Variants in STK10 observed in about 807,000 individuals in gnomAD.
The protein encoded by STK10 is serine/threonine kinase 10.
In STK10, 78 loss-of-function variants were observed where a neutral mutation model predicts 113.8. That is an observed-to-expected ratio of 0.69 (90% CI 0.57 to 0.83). STK10 has a LOEUF of 0.83. Among genes scored for constraint, STK10 ranks in the 40% least tolerant of loss-of-function variants. The probability of loss-of-function intolerance (pLI) is 0.00; values close to 1 mark genes in which losing one functional copy is unlikely to be tolerated. For synonymous variants in STK10, 465 were observed against 494.7 expected (o/e 0.94, Z 0.80); for missense variants, 1,109 against 1,280.1 (o/e 0.87, Z 2.04).
At chr5:172,134,687 T>C (rs1226635003) in intron 2 of STK10, among the ~76,000 whole-genome samples, 1 of 146,364 alleles carries the variant, frequency 6.8e-6, no homozygotes, top group Non-Finnish European at 1.5e-5. Context: ...GATGGGAGGA[T>C]CACTTGAGCC....
intron 1 of STK10, among the ~76,000 whole-genome samples, chr5:172,182,042 C>T (rs1327615033): frequency 6.6e-6 from 1 of 152,030 alleles, no homozygotes; most frequent in Non-Finnish European, 1.5e-5. Context: ...CGGTGGCTCA[C>T]GCCTGTAATC....
chr5:172,149,522 C>G lies in STK10; in HGVS notation c.321+7102G>C, dbSNP rs373536278. On this transcript the variant is annotated intron_variant, in intron 2 of 18. Transcript: ENST00000176763. ...TGTGTGTGTGTGTGTGTGTGTGTGT[C>G]TGTGTGTGTGTGTGTGTGTGTCCCA... Among the ~76,000 whole-genome samples, 1,115 of 136,484 alleles carry G rather than the reference C, an allele frequency of 8.2e-3. 8 individuals carry two copies. Among genetic ancestry groups the G allele is most frequent in the East Asian group, 0.021 (98 of 4,646 alleles). 89.5% of individuals were successfully genotyped at this position (136,484 alleles called of 152,430 possible).
chr5:172,052,873 T>C (rs1767658202), intron 18 of STK10, 56 bp downstream of exon 18: 7 of 1,560,814 alleles, frequency 4.5e-6, no homozygotes, highest in Non-Finnish European at 6.2e-6. Context: ...GCCAGAGGCC[T>C]GTGCATGGCA....
chr5:172,170,248 A>T (rs966653602), intron 1 of STK10, among the ~76,000 whole-genome samples: 4 of 151,986 alleles, frequency 2.6e-5, no homozygotes, highest in African/African-American at 9.7e-5. Context: ...AAGGAAAGTG[A>T]TAAGAAGTCG....
chr5:172,064,586 G>C, intron 13 of STK10, 134 bp downstream of exon 13: 3 of 861,038 alleles, frequency 3.5e-6, no homozygotes, highest in Non-Finnish European at 3.7e-6. Context: ...GGCCATGAAG[G>C]ATGAGGCCAG....
At chr5:172,180,294 T>C (rs1422788712) in intron 1 of STK10, among the ~76,000 whole-genome samples, 1 of 150,382 alleles carries the variant, frequency 6.6e-6, no homozygotes. Context: ...CAAAATCTCG[T>C]CTCTACTAAA....
At chr5:172,087,895 T>C (rs1394820130) in intron 10 of STK10, among the ~76,000 whole-genome samples, 2 of 147,660 alleles carry the variant, frequency 1.4e-5, no homozygotes, top group Admixed American at 1.3e-4. Context: ...CCCAAAGTGC[T>C]GGGATTACAG....
intron 5 of STK10, 69 bp from the exon 6 acceptor site, chr5:172,106,883 G>C: frequency 6.8e-7 from 1 of 1,474,440 alleles, no homozygotes; most frequent in Non-Finnish European, 9.1e-7. Flanking sequence ...GACATTCAGG[G>C]TCAAGGGCCA....
chr5:172,128,134 A>G (rs1769665332), intron 2 of STK10, among the ~76,000 whole-genome samples: 1 of 149,020 alleles, frequency 6.7e-6, no homozygotes, highest in Non-Finnish European at 1.5e-5. Context: ...AGAAAGGACG[A>G]TTACAGTAGA....
At chr5:172,180,375 G>A (rs1770828791) in intron 1 of STK10, among the ~76,000 whole-genome samples, 1 of 152,202 alleles carries the variant, frequency 6.6e-6, no homozygotes, top group Non-Finnish European at 1.5e-5. Context: ...CAAGGCAGGA[G>A]AATCACTTGA....
intron 2 of STK10, among the ~76,000 whole-genome samples, chr5:172,144,628 G>A (rs538639512): frequency 3.9e-5 from 6 of 152,242 alleles, no homozygotes; most frequent in Non-Finnish European, 1.5e-5. Flanking sequence ...TGGGCCAGGC[G>A]TGTTCCTCCA....
chr5:172,188,099 C>T lies in STK10; in HGVS notation c.-57G>A, dbSNP rs1770994411. On this transcript the variant is annotated 5_prime_UTR_variant, in exon 1 of 19. Coordinates refer to ENST00000176763, the MANE Select transcript of STK10 (RefSeq NM_005990.4). The surrounding 1 kb of genome is among the most constrained non-coding windows in gnomAD (Gnocchi z 5.6). Reference sequence around the variant, plus strand: ...CGGGCTCGGGCTCGGGCTGTGGCTTCGGCGGCCGCGAGGAGAAGGAGGAGG... The same window carrying T: ...CGGGCTCGGGCTCGGGCTGTGGCTTTGGCGGCCGCGAGGAGAAGGAGGAGG... The T allele has an allele frequency of 6.4e-7, 1 of 1,574,152 alleles. No individual in the cohort carries two copies. Among genetic ancestry groups the T allele is most frequent in the Non-Finnish European group, 8.6e-7 (1 of 1,160,578 alleles).
At chr5:172,109,346 C>CA (rs1769183331) in intron 4 of STK10, among the ~76,000 whole-genome samples, 1 of 146,888 alleles carries the variant, frequency 6.8e-6, no homozygotes, top group Non-Finnish European at 1.5e-5. Flanking sequence ...TTTTTCATGA[C>CA]AGAGTCCACT....
intron 1 of STK10, among the ~76,000 whole-genome samples, chr5:172,175,211 C>T (rs1770736714): frequency 6.6e-6 from 1 of 152,118 alleles, no homozygotes; most frequent in Admixed American, 6.6e-5. Flanking sequence ...GAGATGGAGT[C>T]TTCCTATGTT....
chr5:172,072,962 T>C (rs1768229667), intron 12 of STK10, among the ~76,000 whole-genome samples: 3 of 152,200 alleles, frequency 2.0e-5, no homozygotes. Flanking sequence ...TTTTACAATC[T>C]AGCAATGAAC....
intron 8 of STK10, among the ~76,000 whole-genome samples, chr5:172,094,282 C>T (rs1561805024): frequency 6.6e-6 from 1 of 152,204 alleles, no homozygotes; most frequent in African/African-American, 2.4e-5. Context: ...CGCTCCATTC[C>T]AGCCAATTGT....
intron 1 of STK10, among the ~76,000 whole-genome samples, chr5:172,170,128 T>A (rs990358917): frequency 8.6e-5 from 13 of 151,962 alleles, no homozygotes; most frequent in Admixed American, 2.0e-4. Flanking sequence ...TATCCTTTTT[T>A]TTTTTTTTTT....
intron 18 of STK10, among the ~76,000 whole-genome samples, chr5:172,048,511 C>T (rs190525618): frequency 8.6e-5 from 13 of 151,492 alleles, no homozygotes; most frequent in East Asian, 7.8e-4. Context: ...CGGCCCAGAG[C>T]GGGGAAGATG....
At chr5:172,077,686 A>C (rs1386879285) in intron 12 of STK10, among the ~76,000 whole-genome samples, 3 of 152,126 alleles carry the variant, frequency 2.0e-5, no homozygotes, top group African/African-American at 4.8e-5. Context: ...TTAGCATGAT[A>C]AATATCCCAC....
Sources: allele counts gnomAD v4.1 joint callset (sites outside exome capture counted in the v4.1 genomes callset), GRCh38; gene constraint gnomAD v4.1.1; non-coding constraint Gnocchi (gnomAD v3.1); transcripts MANE v1.5; gene names NCBI Gene and HGNC (gene_info 2026-07-23, HGNC 2026-07-21).